The following MCOLN3 variants were observed in gnomAD, a reference collection of about 807,000 sequenced individuals.
The protein encoded by MCOLN3 is mucolipin-3.
In MCOLN3, 62 loss-of-function variants were observed where a neutral mutation model predicts 69.4. That is an observed-to-expected ratio of 0.89 (90% CI 0.73 to 1.10). The LOEUF (loss-of-function observed/expected upper bound fraction) is 1.10. MCOLN3 is among the 50% of genes least tolerant of loss of function. MCOLN3 has a pLI of 0.00. For missense variants in MCOLN3, 564 were observed against 656.4 expected (o/e 0.86, Z 1.54); for synonymous variants, 183 against 217.0 (o/e 0.84, Z 1.38).
Position 85,018,823 on chromosome 1 carries a change from A to G in MCOLN3, c.*300T>C. On this transcript the variant is annotated 3_prime_UTR_variant, in exon 13 of 13. Transcript: ENST00000370589. Reference sequence around the variant, plus strand: ...GCACAATCAGAATAGCAGGAGCAACAGTATCAGAGCAAAAGAGAGGCATAC... The same window carrying G: ...GCACAATCAGAATAGCAGGAGCAACGGTATCAGAGCAAAAGAGAGGCATAC... 3.8e-6 allele frequency: 1 copy of G among 262,848 alleles called. No individual in the cohort carries two copies. Among genetic ancestry groups the G allele is most frequent in the South Asian group, 5.4e-5 (1 of 18,616 alleles). The allele number at this position is 262,848 out of a possible 1,614,324, so 16.3% of individuals were successfully genotyped here.
intron 2 of MCOLN3, among the ~76,000 whole-genome samples, chr1:85,043,105 A>C (rs1275814327): frequency 6.6e-6 from 1 of 152,188 alleles, no homozygotes; most frequent in Non-Finnish European, 1.5e-5. Context: ...AGAGAAAATA[A>C]ATCTGAGTTT....
intron 12 of MCOLN3, among the ~76,000 whole-genome samples, chr1:85,020,239 G>A (rs1651859531): frequency 6.6e-6 from 1 of 152,174 alleles, no homozygotes; most frequent in African/African-American, 2.4e-5. Context: ...CTTGTTCAGT[G>A]AGGATGAAGT....
At chr1:85,022,951 T>G (rs912611736) in intron 9 of MCOLN3, 2 of 152,546 alleles carry the variant, frequency 1.3e-5, no homozygotes, top group African/African-American at 2.4e-5. Flanking sequence ...TATGATCAGA[T>G]GTTGGCTGCT....
At position 85,018,197 on chromosome 1, in the gene MCOLN3, T is replaced by C. The variant is rs2085726415; in HGVS notation, c.*926A>G. 6.6e-6 allele frequency: 1 copy of C among 152,196 alleles called. No homozygotes were observed. Among genetic ancestry groups the C allele is most frequent in the Admixed American group, 6.5e-5 (1 of 15,272 alleles). The allele number at this position is 152,196 out of a possible 1,614,324, so 9.4% of individuals were successfully genotyped here. On this transcript the variant is annotated 3_prime_UTR_variant, in exon 13 of 13. Coordinates refer to ENST00000370589, the MANE Select transcript of MCOLN3 (RefSeq NM_018298.11). ...ATGAGTATTTAAAAGCCTGATCCTC[T>C]TAAGAACTAAAAGCAGAATCAAGTA...
In MCOLN3 at chr1:85,021,612, A is replaced by G. The variant is rs1651943266; in HGVS notation, c.1321-336T>C. 3.3e-5 allele frequency among the ~76,000 whole-genome samples: 5 copies of G among 152,238 alleles called. No homozygotes were observed. In the South Asian group the frequency reaches 1.0e-3, roughly 31 times the overall value. ...CCTGTGCAGAGATACCCAGGTCCCAACCATGCATGCTCATACATCTCATTT... is the reference window on the plus strand; with the variant it reads ...CCTGTGCAGAGATACCCAGGTCCCAGCCATGCATGCTCATACATCTCATTT... On this transcript the variant is annotated intron_variant, in intron 11 of 12. Transcript: ENST00000370589.
intron 2 of MCOLN3, among the ~76,000 whole-genome samples, chr1:85,042,110 C>T (rs1653101347): frequency 6.6e-6 from 1 of 152,134 alleles, no homozygotes; most frequent in African/African-American, 2.4e-5. Flanking sequence ...CAATGTTGAG[C>T]ACCTATGTGC....
At chr1:85,047,834 C>T (rs370466752) in intron 1 of MCOLN3, among the ~76,000 whole-genome samples, 1 of 152,218 alleles carries the variant, frequency 6.6e-6, no homozygotes, top group Non-Finnish European at 1.5e-5. Context: ...CAGCGATGTC[C>T]CAGAGCGGTC....
In MCOLN3 at chr1:85,041,028, T is replaced by C; in HGVS notation, c.378A>G (p.Leu126=). Residue 126 remains leucine (L), a synonymous_variant, in exon 3 of 13, where the codon TTA becomes TTG. Transcript: ENST00000370589. ...GATTTACCTGGTTTACTGCGAAGAT[T>C]AACTGATCATACACGTCACTTTGTG... ...VYTQSDVYDQ[L]IFAVNQYLQL... is the part of the protein sequence containing the mutation. 1.2e-6 allele frequency: 2 copies of C among 1,613,470 alleles called. No individual in the cohort carries two copies. The highest frequency in any genetic ancestry group is 1.1e-5 in the South Asian group (1 of 90,774).
intron 3 of MCOLN3, among the ~76,000 whole-genome samples, chr1:85,036,254 T>C (rs4907123): frequency 0.49 from 74,226 of 151,794 alleles, 18,503 homozygotes; most frequent in Middle Eastern, 0.55. Flanking sequence ...TGCAGTGGCA[T>C]GATCTCGGCT....
chr1:85,031,473 G>A (rs1049519811), intron 6 of MCOLN3, among the ~76,000 whole-genome samples: 12 of 152,128 alleles, frequency 7.9e-5, no homozygotes, highest in African/African-American at 2.9e-4. Context: ...ATTACACACT[G>A]AATGCTGGCA....
chr1:85,024,822 T>G (rs1490401508), intron 9 of MCOLN3: 1 of 152,214 alleles, frequency 6.6e-6, no homozygotes, highest in Non-Finnish European at 1.5e-5. Context: ...GTTAAACATC[T>G]ATTCCAATGA....
At position 85,045,326 on chromosome 1, in the gene MCOLN3, C is replaced by A; in HGVS notation, c.35G>T (p.Ser12Ile). ...GCAGCGATTTTCCTCTTCATGAGAGCTGCAGCTACTCACAACTACCTCAGG... is the reference window on the plus strand; with the variant it reads ...GCAGCGATTTTCCTCTTCATGAGAGATGCAGCTACTCACAACTACCTCAGG... ...ADPEVVVSSC[S>I]SHEEENRCNF... Residue 12 changes from serine (S) to isoleucine (I), a missense_variant, in exon 2 of 13, where the codon AGC (serine) becomes ATC (isoleucine). Ser to Ile is a moderately radical substitution (Grantham distance 142). Coordinates refer to ENST00000370589, the MANE Select transcript of MCOLN3 (RefSeq NM_018298.11). 6.2e-7 allele frequency: 1 copy of A among 1,614,006 alleles called. No individual in the cohort carries two copies. Among genetic ancestry groups the A allele is most frequent in the Non-Finnish European group, 8.5e-7 (1 of 1,179,978 alleles).
At chr1:85,038,856 G>A (rs1450030391) in intron 3 of MCOLN3, among the ~76,000 whole-genome samples, 2 of 151,968 alleles carry the variant, frequency 1.3e-5, no homozygotes, top group African/African-American at 2.4e-5. Context: ...TTAGCTGGGG[G>A]TAGTGACGGG....
In MCOLN3 at chr1:85,020,684, T is replaced by C. The variant is rs541442136; in HGVS notation, c.1527+386A>G. ...CTCAAAACAAAGGGGTCAATTTTTC[T>C]TTATGAAAATTGGAGTTTTTATGTT... On this transcript the variant is annotated intron_variant, in intron 12 of 12. Coordinates refer to ENST00000370589, the MANE Select transcript of MCOLN3 (RefSeq NM_018298.11). Among the ~76,000 whole-genome samples, 3 of 152,340 alleles carry C rather than the reference T, an allele frequency of 2.0e-5. No homozygotes were observed. In the East Asian group the frequency reaches 5.8e-4, roughly 29 times the overall value.
At chr1:85,029,788 G>A (rs1366781021) in intron 6 of MCOLN3, 1 of 152,208 alleles carries the variant, frequency 6.6e-6, no homozygotes, top group Non-Finnish European at 1.5e-5. Flanking sequence ...CAGGACACCA[G>A]GGGCCAAGCA....
chr1:85,032,796 G>A lies in MCOLN3; in HGVS notation c.636-4C>T. 6.2e-7 allele frequency: 1 copy of A among 1,613,876 alleles called. No homozygotes were observed. Among genetic ancestry groups the A allele is most frequent in the Non-Finnish European group, 8.5e-7 (1 of 1,179,754 alleles). ...CTGAAGCTCCACTGTTAGGAGTCTA[G>A]AAAACAGAGGTGATTTTAGTTCTGT... On this transcript the variant is annotated splice_polypyrimidine_tract_variant and splice_region_variant and intron_variant, in intron 5 of 12. Transcript: ENST00000370589.
intron 6 of MCOLN3, 63 bp from the exon 7 acceptor site, chr1:85,029,268 C>T (rs1194578300): frequency 1.0e-6 from 1 of 969,706 alleles, no homozygotes; most frequent in Non-Finnish European, 1.6e-6. Context: ...AACCTCTACA[C>T]ATTAATTAGG....
chr1:85,025,313 A>T (rs1652156082), intron 9 of MCOLN3: 1 of 152,184 alleles, frequency 6.6e-6, no homozygotes, highest in Non-Finnish European at 1.5e-5. Flanking sequence ...TTGCATCAAG[A>T]CTAGGGAAAC....
intron 9 of MCOLN3, 31 bp downstream of exon 9, chr1:85,025,908 C>A (rs1204863406): frequency 1.3e-6 from 2 of 1,566,194 alleles, no homozygotes; most frequent in East Asian, 2.2e-5. Flanking sequence ...AAATCTGACA[C>A]TAACAATAGC....
Sources: allele counts gnomAD v4.1 joint callset (sites outside exome capture counted in the v4.1 genomes callset), GRCh38; gene constraint gnomAD v4.1.1; transcripts MANE v1.5; gene names NCBI Gene and HGNC (gene_info 2026-07-23, HGNC 2026-07-21).